The following METTL9 variants were observed in gnomAD, a reference collection of about 807,000 sequenced individuals.
METTL9 encodes protein-L-histidine N-pros-methyltransferase.
METTL9 carries 10 observed loss-of-function variants against 36.0 expected under a neutral mutation model. The observed-to-expected ratio is 0.28, with a 90% CI of 0.17 to 0.47. METTL9 has a LOEUF of 0.47. Among genes scored for constraint, METTL9 ranks in the 20% least tolerant of loss-of-function variants. METTL9 has a pLI of 0.99. For missense variants in METTL9, 246 were observed against 383.5 expected (o/e 0.64, Z 3.00); for synonymous variants, 175 against 149.7 (o/e 1.17, Z -1.23).
At chr16:21,643,047 C>CTT (rs748317965) in intron 4 of METTL9, 4 of 1,460,906 alleles carry the variant, frequency 2.7e-6, no homozygotes, top group East Asian at 2.4e-5. Flanking sequence ...TCTGTATTTA[C>CTT]ATTTTTTTTT....
At chr16:21,601,010 TAAG>T (rs1373942022) in intron 1 of METTL9, among the ~76,000 whole-genome samples, 1 of 152,204 alleles carries the variant, frequency 6.6e-6, no homozygotes, top group African/African-American at 2.4e-5. Context: ...GAGAATTGTC[TAAG>T]AAGGAGATAG....
intron 4 of METTL9, chr16:21,643,106 G>A (rs1281212910): frequency 6.2e-7 from 1 of 1,607,526 alleles, no homozygotes; most frequent in Admixed American, 1.7e-5. Context: ...TGTCTCTTAT[G>A]GTATAGTTCT....
intron 4 of METTL9, among the ~76,000 whole-genome samples, chr16:21,634,835 T>TA (rs1388702381): frequency 1.3e-5 from 2 of 152,194 alleles, no homozygotes; most frequent in Admixed American, 1.3e-4. Context: ...TTCCCTGAGT[T>TA]ACGGTGGACA....
chr16:21,603,302 T>A (rs1965186849), intron 1 of METTL9, among the ~76,000 whole-genome samples: 2 of 151,978 alleles, frequency 1.3e-5, no homozygotes, highest in African/African-American at 4.8e-5. Flanking sequence ...GCACACCTGG[T>A]TAATTTTTGT....
At chr16:21,629,061 T>C (rs1202384393) in intron 4 of METTL9, among the ~76,000 whole-genome samples, 1 of 151,840 alleles carries the variant, frequency 6.6e-6, no homozygotes, top group African/African-American at 2.4e-5. Flanking sequence ...ACCCGGCTCA[T>C]TTTTGTATTT....
chr16:21,652,611 C>A, intron 4 of METTL9: 1 of 1,604,018 alleles, frequency 6.2e-7, no homozygotes, highest in Non-Finnish European at 8.5e-7. Context: ...CTGTGTATGC[C>A]GGGGCGGGTT....
At chr16:21,646,399 A>G (rs986560034) in intron 4 of METTL9, 2 of 152,102 alleles carry the variant, frequency 1.3e-5, no homozygotes, top group Non-Finnish European at 2.9e-5. Context: ...CATGTTGCAT[A>G]GTTTCTGTGG....
intron 4 of METTL9, among the ~76,000 whole-genome samples, chr16:21,638,200 C>T (rs1488778175): frequency 1.3e-5 from 2 of 152,136 alleles, no homozygotes; most frequent in Admixed American, 6.5e-5. Context: ...TGCCTATAAT[C>T]CCAGCTACTC....
intron 4 of METTL9, among the ~76,000 whole-genome samples, chr16:21,628,312 A>G (rs1023443410): frequency 6.6e-6 from 1 of 152,150 alleles, no homozygotes; most frequent in Non-Finnish European, 1.5e-5. Flanking sequence ...GGGAGTATTT[A>G]CACTATAGAA....
rs1284914573 is a variant in METTL9 at position 21,657,149 on chromosome 16, C to T, written c.*1717C>T. 1 of 151,994 alleles carries T rather than the reference C, an allele frequency of 6.6e-6. No individual in the cohort carries two copies. Among genetic ancestry groups the T allele is most frequent in the Non-Finnish European group, 1.5e-5 (1 of 68,012 alleles). The allele number at this position is 151,994 out of a possible 1,614,324, so 9.4% of individuals were successfully genotyped here. A position where few individuals can be genotyped will look rare whatever the true frequency, so the allele number is the denominator to read the frequency against. On this transcript the variant is annotated 3_prime_UTR_variant, in exon 5 of 5. Transcript: ENST00000358154. The stretch of plus-strand genomic sequence containing the variant: ...TAACTTTCAAGTAGAGAACTTTATG[C>T]TCTAATAAGAAAAATACAACTCATT...
intron 2 of METTL9, among the ~76,000 whole-genome samples, chr16:21,614,775 A>G (rs1965512322): frequency 6.6e-6 from 1 of 152,192 alleles, no homozygotes; most frequent in South Asian, 2.1e-4. Flanking sequence ...AGTTTATTTT[A>G]TAAGGAAGAG....
intron 4 of METTL9, chr16:21,642,434 T>C (rs2141611355): frequency 6.6e-6 from 1 of 152,342 alleles, no homozygotes; most frequent in African/African-American, 2.4e-5. Flanking sequence ...AACCTTATTT[T>C]GTATACATTT....
chr16:21,635,227 G>C (rs959567781), intron 4 of METTL9, among the ~76,000 whole-genome samples: 3 of 152,116 alleles, frequency 2.0e-5, no homozygotes, highest in African/African-American at 7.2e-5. Context: ...CTTTAAATCA[G>C]AGAGGGAGAA....
chr16:21,649,644 T>G (rs922947553), intron 4 of METTL9, among the ~76,000 whole-genome samples: 4 of 152,224 alleles, frequency 2.6e-5, no homozygotes, highest in African/African-American at 9.6e-5. Flanking sequence ...AAGTCATCTT[T>G]CAGATAATGT....
intron 1 of METTL9, among the ~76,000 whole-genome samples, chr16:21,603,861 G>T (rs1288688723): frequency 6.6e-6 from 1 of 152,186 alleles, no homozygotes; most frequent in Non-Finnish European, 1.5e-5. Context: ...TTGCAAGTAT[G>T]TGTATATTTT....
chr16:21,648,041 G>A (rs1188380378), intron 4 of METTL9, among the ~76,000 whole-genome samples: 1 of 152,118 alleles, frequency 6.6e-6, no homozygotes, highest in Non-Finnish European at 1.5e-5. Flanking sequence ...TGTGAGCCTG[G>A]TGTCCCTTTG....
chr16:21,604,989 T>G (rs1244468108), intron 1 of METTL9, among the ~76,000 whole-genome samples: 1 of 152,154 alleles, frequency 6.6e-6, no homozygotes, highest in Non-Finnish European at 1.5e-5. Flanking sequence ...GCTACTGGCC[T>G]TCTATTGTGT....
At chr16:21,631,242 C>T (rs1965953328) in intron 4 of METTL9, among the ~76,000 whole-genome samples, 2 of 152,138 alleles carry the variant, frequency 1.3e-5, no homozygotes, top group Non-Finnish European at 2.9e-5. Context: ...TCTGTGCTGA[C>T]GGACTTGAGC....
chr16:21,642,581 C>T (rs924157485), intron 4 of METTL9, among the ~76,000 whole-genome samples: 1 of 152,118 alleles, frequency 6.6e-6, no homozygotes, highest in African/African-American at 2.4e-5. Flanking sequence ...TATAGATATA[C>T]ATGTATTCTT....
Sources: gnomAD v4.1 joint callset for allele counts (sites outside exome capture counted in the v4.1 genomes callset) on GRCh38, gnomAD v4.1.1 for gene constraint, MANE v1.5 for transcripts, NCBI Gene and HGNC (gene_info 2026-07-23, HGNC 2026-07-21) for gene names.